Variants in CHN1 observed in about 807,000 individuals in gnomAD.
The protein encoded by CHN1 is chimerin 1, also known as N-chimaerin.
A neutral mutation model predicts 59.5 loss-of-function variants in CHN1; 37 were observed. The ratio of observed to expected loss-of-function variants is 0.62; its 90% CI spans 0.48 to 0.82. The LOEUF (loss-of-function observed/expected upper bound fraction) is 0.82, where lower values mean the gene tolerates loss of function less well. CHN1 is among the 40% of genes least tolerant of loss of function. CHN1 has a pLI of 0.00. For missense variants in CHN1, 469 were observed against 571.0 expected (o/e 0.82, Z 1.82); for synonymous variants, 206 against 200.4 (o/e 1.03, Z -0.24).
intron 7 of CHN1, among the ~76,000 whole-genome samples, chr2:174,841,302 G>A (rs1686292960): frequency 1.3e-5 from 2 of 152,170 alleles, no homozygotes; most frequent in Admixed American, 6.5e-5. Flanking sequence ...GAGGGCCACC[G>A]TGCTGAGGGG....
chr2:175,000,103 T>C (rs1691837478), intron 1 of CHN1, among the ~76,000 whole-genome samples: 4 of 151,792 alleles, frequency 2.6e-5, no homozygotes, highest in Admixed American at 2.6e-4. Context: ...GCTAAAATAT[T>C]AGAACCACAG....
chr2:174,989,859 G>C (rs1691479053), intron 1 of CHN1, among the ~76,000 whole-genome samples: 1 of 151,950 alleles, frequency 6.6e-6, no homozygotes, highest in African/African-American at 2.4e-5. Flanking sequence ...TTTTGGGACA[G>C]ATCTTTTACA....
intron 1 of CHN1, among the ~76,000 whole-genome samples, chr2:174,999,057 AG>A (rs887886443): frequency 6.6e-6 from 1 of 152,084 alleles, no homozygotes; most frequent in Admixed American, 6.6e-5. Context: ...TTATTTTGTC[AG>A]GCTTTTTTTT....
At position 174,942,790 on chromosome 2, in the gene CHN1, C is replaced by G. The variant is rs534720915; in HGVS notation, c.114+2098G>C. On this transcript the variant is annotated intron_variant, in intron 3 of 12. Transcript: ENST00000409900. ...AAAGGCCAGGTGCCCTGGCTCACAA[C>G]TGTAATCCCAACACTTTAGGAGGCC... 2.2e-3 allele frequency among the ~76,000 whole-genome samples: 340 copies of G among 152,308 alleles called. 2 individuals are homozygous for G. The highest frequency in any genetic ancestry group is 7.9e-3 in the African/African-American group (330 of 41,570).
chr2:174,808,820 T>A (rs1215738361), intron 11 of CHN1, 85 bp downstream of exon 11: 2 of 1,400,910 alleles, frequency 1.4e-6, no homozygotes, highest in African/African-American at 1.4e-5. Context: ...TTTCATAAAA[T>A]GCATTCAAGT....
chr2:174,801,665 T>G, intron 12 of CHN1, 42 bp downstream of exon 12: 2 of 1,390,354 alleles, frequency 1.4e-6, no homozygotes, highest in Non-Finnish European at 2.0e-6. Context: ...TCCTTAAAAT[T>G]TGGATGCAAT....
At chr2:174,868,302 C>T (rs1055450410) in intron 6 of CHN1, among the ~76,000 whole-genome samples, 8 of 152,140 alleles carry the variant, frequency 5.3e-5, no homozygotes, top group African/African-American at 1.9e-4. Flanking sequence ...CTACAATTTT[C>T]TACTACTTTG....
At position 174,804,430 on chromosome 2, in the gene CHN1, G is replaced by A. The variant is rs546878777; in HGVS notation, c.1103-2618C>T. 3.3e-5 allele frequency among the ~76,000 whole-genome samples: 5 copies of A among 152,292 alleles called. No individual in the cohort carries two copies. In the East Asian group the frequency reaches 9.6e-4, roughly 29 times the overall value. On this transcript the variant is annotated intron_variant, in intron 11 of 12. Transcript: ENST00000409900. ...AGAGAAATGGGAAGGTTATCAACAA[G>A]GAAAGGTCATGATGTGACATGTATT...
At chr2:174,986,960 T>A (rs931489738) in intron 1 of CHN1, among the ~76,000 whole-genome samples, 18 of 152,216 alleles carry the variant, frequency 1.2e-4, no homozygotes, top group African/African-American at 4.3e-4. Flanking sequence ...ATGGCCTCCA[T>A]CTCCTGACCT....
chr2:174,918,065 A>G (rs1463509359), intron 4 of CHN1, among the ~76,000 whole-genome samples: 1 of 152,110 alleles, frequency 6.6e-6, no homozygotes, highest in Non-Finnish European at 1.5e-5. Context: ...TAATACTTCA[A>G]ATTGTTAACA....
intron 2 of CHN1, among the ~76,000 whole-genome samples, chr2:174,946,068 T>C (rs933991352): frequency 4.6e-5 from 7 of 152,136 alleles, no homozygotes; most frequent in African/African-American, 1.7e-4. Context: ...ATTTGAACTC[T>C]TGAACCAAAC....
intron 7 of CHN1, among the ~76,000 whole-genome samples, chr2:174,844,180 A>G (rs1221688325): frequency 2.0e-5 from 3 of 149,356 alleles, no homozygotes; most frequent in African/African-American, 7.3e-5. Context: ...GCTTTCTCAA[A>G]TCCTTATAAG....
Position 174,801,785 on chromosome 2 carries a change from T to C in CHN1, c.1130A>G (p.Glu377Gly). The change falls in exon 12 of 13, where the codon GAA becomes GGA. Residue 377 changes from glutamate (E) to glycine (G), a missense_variant. By Grantham distance (98) the Glu-to-Gly change is moderately conservative. Around this residue, in one of 5 missense-constraint regions of CHN1, gnomAD observed 225 missense variants for 289.9 expected, o/e 0.78. Coordinates refer to ENST00000409900, the MANE Select transcript of CHN1 (RefSeq NM_001822.7). ...AKIMDPDEQL[E>G]TLHEALKLLP... is the part of the protein sequence containing the mutation. ...TAGTTTCAGTGCTTCATGAAGGGTT[T>C]CCAATTGCTCATCCGGATCCATAAT... The C allele has an allele frequency of 6.2e-7, 1 of 1,613,254 alleles. No homozygotes were observed. The highest frequency in any genetic ancestry group is 8.5e-7 in the Non-Finnish European group (1 of 1,179,326).
At chr2:174,889,626 A>C (rs928757052) in intron 5 of CHN1, among the ~76,000 whole-genome samples, 1 of 152,166 alleles carries the variant, frequency 6.6e-6, no homozygotes, top group Admixed American at 6.5e-5. Context: ...AAGCAGAAGA[A>C]AGAATCAGCA....
chr2:174,897,701 C>G (rs1349443578), intron 5 of CHN1, among the ~76,000 whole-genome samples: 4 of 151,858 alleles, frequency 2.6e-5, no homozygotes, highest in African/African-American at 9.7e-5. Context: ...TGATAGAAAA[C>G]ACAAAAATAA....
chr2:174,902,720 C>T (rs763241698), intron 5 of CHN1, among the ~76,000 whole-genome samples: 5 of 152,194 alleles, frequency 3.3e-5, no homozygotes, highest in Admixed American at 1.3e-4. Flanking sequence ...GTACATTACA[C>T]GTCAACGCCT....
intron 5 of CHN1, among the ~76,000 whole-genome samples, chr2:174,910,606 T>C (rs6725402): frequency 0.49 from 74,349 of 151,888 alleles, 19,441 homozygotes; most frequent in African/African-American, 0.67. Context: ...TTGGCATTTA[T>C]GGCAATCCCC....
At chr2:174,873,328 C>A (rs974091014) in intron 6 of CHN1, among the ~76,000 whole-genome samples, 6 of 152,092 alleles carry the variant, frequency 3.9e-5, no homozygotes, top group Non-Finnish European at 7.4e-5. Flanking sequence ...ATAGCTTGAG[C>A]ATGAACAAGG....
At chr2:174,988,157 G>C (rs763517090) in intron 1 of CHN1, among the ~76,000 whole-genome samples, 6 of 152,050 alleles carry the variant, frequency 3.9e-5, no homozygotes, top group Non-Finnish European at 8.8e-5. Context: ...AGGAGATCGA[G>C]ACCATCCTGG....
Sources: gnomAD v4.1 joint callset for allele counts (sites outside exome capture counted in the v4.1 genomes callset) on GRCh38, gnomAD v4.1.1 for gene constraint, gnomAD v4.1.1 regional missense constraint, MANE v1.5 for transcripts, NCBI Gene and HGNC (gene_info 2026-07-23, HGNC 2026-07-21) for gene names.